Variants in ESYT3 observed in about 807,000 individuals in gnomAD.
The protein encoded by ESYT3 is extended synaptotagmin-3.
In ESYT3, 101 loss-of-function variants were observed where a neutral mutation model predicts 111.5. The ratio of observed to expected loss-of-function variants is 0.91; its 90% CI spans 0.77 to 1.07. The LOEUF (loss-of-function observed/expected upper bound fraction) is 1.07, where lower values mean the gene tolerates loss of function less well. ESYT3 is among the 50% of genes least tolerant of loss of function. The probability of loss-of-function intolerance (pLI) is 0.00; values close to 1 mark genes in which losing one functional copy is unlikely to be tolerated. For synonymous variants in ESYT3, 416 were observed against 446.8 expected (o/e 0.93, Z 0.87); for missense variants, 1,097 against 1,109.4 (o/e 0.99, Z 0.16).
At chr3:138,437,701 G>T (rs1679177) in intron 1 of ESYT3, among the ~76,000 whole-genome samples, 9,392 of 152,192 alleles carry the variant, frequency 0.062, 839 homozygotes, top group East Asian at 0.35. Flanking sequence ...AGACAGGCCA[G>T]TTGGGAAGGT....
At chr3:138,448,755 T>A (rs1443317240) in intron 1 of ESYT3, among the ~76,000 whole-genome samples, 1 of 152,224 alleles carries the variant, frequency 6.6e-6, no homozygotes, top group Non-Finnish European at 1.5e-5. Context: ...AGAATCAGTC[T>A]CTATGATTTC....
chr3:138,462,352 T>A, intron 8 of ESYT3, 146 bp downstream of exon 8: 1 of 1,147,526 alleles, frequency 8.7e-7, no homozygotes, highest in Non-Finnish European at 1.2e-6. Flanking sequence ...GCCCACGTCA[T>A]AATTACTAAA....
At chr3:138,465,119 GTCC>G (rs2032858123) in intron 9 of ESYT3, among the ~76,000 whole-genome samples, 1 of 152,246 alleles carries the variant, frequency 6.6e-6, no homozygotes, top group East Asian at 1.9e-4. Flanking sequence ...AACAGCCACT[GTCC>G]CCTGGGCACC....
rs2033639241 is a variant in ESYT3, at chr3:138,479,676, A to C, written c.*2822A>C. 6.6e-6 allele frequency: 1 copy of C among 152,178 alleles called. No homozygotes were observed. The highest frequency in any genetic ancestry group is 2.4e-5 in the African/African-American group (1 of 41,448). The allele number at this position is 152,178 out of a possible 1,614,324, so 9.4% of individuals were successfully genotyped here. ...AGTTTACCCTTGGCTCATGGCCTTC[A>C]TGTTTTATCAGCAGGCAACACCTTT... is the stretch of plus-strand genomic sequence containing the variant. On this transcript the variant is annotated 3_prime_UTR_variant, in exon 23 of 23. Coordinates refer to ENST00000389567, the MANE Select transcript of ESYT3 (RefSeq NM_031913.5).
chr3:138,458,006 A>G (rs2032392336), intron 4 of ESYT3, among the ~76,000 whole-genome samples: 1 of 152,186 alleles, frequency 6.6e-6, no homozygotes, highest in African/African-American at 2.4e-5. Flanking sequence ...GCGGCACCTC[A>G]GGAAAATAGA....
Position 138,472,390 on chromosome 3 carries a change from G to A in ESYT3, c.1768G>A (p.Gly590Arg), listed in dbSNP as rs10935282. The change falls in exon 18 of 23, where the codon GGG becomes AGG. Residue 590 changes from glycine (G) to arginine (R), a missense_variant. Physicochemically the swap from Gly to Arg is moderately radical, Grantham distance 125. Transcript: ENST00000389567. ...CCTGCAAGTGGAGGAACGAGAGCTG[G>A]GGAGCCCATACACAGGACCTGAAGC... ...RFLQVEERELGSPYTGPEALK... is the reference protein window; with the variant it reads ...RFLQVEERELRSPYTGPEALK... The A allele has an allele frequency of 0.44, 708,180 of 1,613,582 alleles. 161,459 individuals are homozygous for A. Among genetic ancestry groups the A allele is most frequent in the East Asian group, 0.57 (25,663 of 44,846 alleles).
chr3:138,474,262 TC>T lies in ESYT3; in HGVS notation c.2380del (p.Arg794ValfsTer18), dbSNP rs2033381404. Reference sequence around the variant, plus strand: ...ACCAGCAGTGGAGCTGATCCCTACGTCCGTGTCTACTTGTTGCCAGAAAGGA... The same window carrying T: ...ACCAGCAGTGGAGCTGATCCCTACGTCGTGTCTACTTGTTGCCAGAAAGGA... ...PCTSSGADPY[V>X]RVYLLPERKW... On this transcript the variant is annotated frameshift_variant, in exon 20 of 23. Transcript: ENST00000389567. LOFTEE classifies it high-confidence loss of function. 3 of 1,613,428 alleles carry T rather than the reference TC, an allele frequency of 1.9e-6. No homozygotes were observed. Among genetic ancestry groups the T allele is most frequent in the African/African-American group, 1.3e-5 (1 of 74,804 alleles).
At chr3:138,443,756 G>GTGTGTGTGTGTGACT (rs1553810678) in intron 1 of ESYT3, among the ~76,000 whole-genome samples, 10 of 151,488 alleles carry the variant, frequency 6.6e-5, no homozygotes, top group East Asian at 3.9e-4. Flanking sequence ...GTGTGTGTGT[G>GTGTGTGTGTGTGACT]ACATGGCTGC....
At position 138,435,130 on chromosome 3, in the gene ESYT3, G is replaced by A. The variant is rs770806848; in HGVS notation, c.327+5G>A. 10 of 1,570,312 alleles carry A rather than the reference G, an allele frequency of 6.4e-6. No individual in the cohort carries two copies. The highest frequency in any genetic ancestry group is 8.6e-6 in the Non-Finnish European group (10 of 1,159,294). On this transcript the variant is annotated splice_donor_5th_base_variant and intron_variant, in intron 1 of 22. Coordinates refer to ENST00000389567, the MANE Select transcript of ESYT3 (RefSeq NM_031913.5). This position sits in a 1 kb window ranked among gnomAD's most constrained non-coding sequence, Gnocchi z 4.8. The stretch of plus-strand genomic sequence containing the variant: ...GGCCAGCACCTGCCAGCCTGGGTGA[G>A]CCAAGCCGGGTGGGAGTGGGAGGTG...
At chr3:138,456,508 C>T (rs2108610305) in intron 3 of ESYT3, among the ~76,000 whole-genome samples, 1 of 152,276 alleles carries the variant, frequency 6.6e-6, no homozygotes, top group Non-Finnish European at 1.5e-5. Context: ...CAGGCTGCTC[C>T]TCTGGTGGTT....
chr3:138,471,136 G>A, intron 17 of ESYT3, 110 bp downstream of exon 17: 2 of 852,408 alleles, frequency 2.3e-6, no homozygotes, highest in South Asian at 3.1e-5. Context: ...GAAGCCAGGA[G>A]ATGGATTCAT....
Position 138,440,028 on chromosome 3 carries a change from T to A in ESYT3, c.327+4903T>A, listed in dbSNP as rs2031022666. On this transcript the variant is annotated intron_variant, in intron 1 of 22. Transcript: ENST00000389567. The surrounding 1 kb of genome is among the most constrained non-coding windows in gnomAD (Gnocchi z 4.2). The stretch of plus-strand genomic sequence containing the variant: ...GTCCTCTCTGGGCCTCTGATTTCTC[T>A]GAAAATCATGACATTTTAGGAGATG... 2.6e-5 allele frequency among the ~76,000 whole-genome samples: 4 copies of A among 152,212 alleles called. No homozygotes were observed. The highest frequency in any genetic ancestry group is 2.0e-4 in the Admixed American group (3 of 15,290).
At chr3:138,460,702 G>A (rs772087589) in intron 7 of ESYT3, 36 bp downstream of exon 7, 3 of 1,610,318 alleles carry the variant, frequency 1.9e-6, no homozygotes, top group South Asian at 2.2e-5. Flanking sequence ...GAGATCATAA[G>A]TTTGGGGGCC....
chr3:138,474,385 C>A, intron 20 of ESYT3, 33 bp downstream of exon 20: 1 of 1,549,722 alleles, frequency 6.5e-7, no homozygotes, highest in Non-Finnish European at 8.6e-7. Context: ...TAGAGTGCCT[C>A]ACCCATTCAA....
Position 138,476,945 on chromosome 3 carries a change from T to C in ESYT3, c.*91T>C. 2.0e-6 allele frequency: 2 copies of C among 987,242 alleles called. No homozygotes were observed. The highest frequency in any genetic ancestry group is 3.0e-6 in the Non-Finnish European group (2 of 671,490). 61.2% of individuals were successfully genotyped at this position (987,242 alleles called of 1,614,324 possible). On this transcript the variant is annotated 3_prime_UTR_variant, in exon 23 of 23. Coordinates refer to ENST00000389567, the MANE Select transcript of ESYT3 (RefSeq NM_031913.5). ...GGATCACTTACATCCAATATATGTA[T>C]ATTTTGTCATTTAAATCAGAACAAC...
chr3:138,469,327 A>G, intron 14 of ESYT3, 109 bp from the exon 15 acceptor site: 2 of 907,130 alleles, frequency 2.2e-6, no homozygotes, highest in South Asian at 3.0e-5. Flanking sequence ...AAAGAGAAGT[A>G]ACTGGGTGGC....
chr3:138,438,508 C>T (rs1161513973), intron 1 of ESYT3, among the ~76,000 whole-genome samples: 3 of 152,170 alleles, frequency 2.0e-5, no homozygotes, highest in Admixed American at 6.5e-5. Flanking sequence ...TGAGCTGAGG[C>T]GGGGATGCCA....
chr3:138,479,698 C>T lies in ESYT3; in HGVS notation c.*2844C>T, dbSNP rs1288414315. On this transcript the variant is annotated 3_prime_UTR_variant, in exon 23 of 23. Coordinates refer to ENST00000389567, the MANE Select transcript of ESYT3 (RefSeq NM_031913.5). The stretch of plus-strand genomic sequence containing the variant: ...TTCATGTTTTATCAGCAGGCAACAC[C>T]TTTTGGCAAGTTTCTTAGCCACAAG... The T allele has an allele frequency of 6.6e-6, 1 of 152,178 alleles. No individual in the cohort carries two copies. The highest frequency in any genetic ancestry group is 1.5e-5 in the Non-Finnish European group (1 of 68,036). 9.4% of individuals were successfully genotyped at this position (152,178 alleles called of 1,614,324 possible).
At chr3:138,444,390 C>T (rs868154858) in intron 1 of ESYT3, among the ~76,000 whole-genome samples, 5 of 152,156 alleles carry the variant, frequency 3.3e-5, no homozygotes, top group Admixed American at 1.3e-4. Flanking sequence ...TTGGAATTTT[C>T]CAGGCCTGCT....
Sources: gnomAD v4.1 joint callset for allele counts (sites outside exome capture counted in the v4.1 genomes callset) on GRCh38, gnomAD v4.1.1 for gene constraint, Gnocchi (gnomAD v3.1) non-coding constraint, MANE v1.5 for transcripts, NCBI Gene and HGNC (gene_info 2026-07-23, HGNC 2026-07-21) for gene names.